The following SLC6A6 variants were observed in gnomAD, a reference collection of about 807,000 sequenced individuals.
The protein encoded by SLC6A6 is sodium- and chloride-dependent taurine transporter.
A neutral mutation model predicts 68.8 loss-of-function variants in SLC6A6; 16 were observed. The ratio of observed to expected loss-of-function variants is 0.23; its 90% CI spans 0.16 to 0.35. The LOEUF (loss-of-function observed/expected upper bound fraction) is 0.35, where lower values mean the gene tolerates loss of function less well. SLC6A6 is among the 10% of genes least tolerant of loss of function. SLC6A6 has a pLI of 1.00. For missense variants in SLC6A6, 474 were observed against 802.8 expected, an observed-to-expected ratio of 0.59 and a Z score of 4.95; for synonymous variants, 312 against 315.4, an observed-to-expected ratio of 0.99 and a Z score of 0.12.
At chr3:14,480,663 T>C (rs1700986612) in intron 13 of SLC6A6, among the ~76,000 whole-genome samples, 1 of 152,222 alleles carries the variant, frequency 6.6e-6, no homozygotes, top group African/African-American at 2.4e-5. Context: ...GAAAGATGCA[T>C]CTTCCTGTCA....
intron 9 of SLC6A6, among the ~76,000 whole-genome samples, chr3:14,470,735 G>A (rs139245971): frequency 1.2e-3 from 176 of 152,282 alleles, no homozygotes; most frequent in Non-Finnish European, 2.2e-3. Flanking sequence ...GAAACGCCGC[G>A]GCTTTTGACT....
intron 1 of SLC6A6, among the ~76,000 whole-genome samples, chr3:14,412,746 G>A (rs1699277918): frequency 6.6e-6 from 1 of 152,190 alleles, no homozygotes. Context: ...TTTGAGTCAA[G>A]GAGATAAATA....
At chr3:14,431,443 G>A (rs189253545) in intron 2 of SLC6A6, among the ~76,000 whole-genome samples, 185 of 152,352 alleles carry the variant, frequency 1.2e-3, no homozygotes, top group Non-Finnish European at 1.9e-3. Flanking sequence ...GGCTGGGAAC[G>A]CAGGGACAGA....
intron 14 of SLC6A6, among the ~76,000 whole-genome samples, chr3:14,484,025 A>C (rs570005402): frequency 6.6e-6 from 1 of 152,310 alleles, no homozygotes; most frequent in South Asian, 2.1e-4. Flanking sequence ...AACATACCTA[A>C]GTTGAATATA....
chr3:14,456,032 T>A (rs1269656246), intron 5 of SLC6A6, among the ~76,000 whole-genome samples: 1 of 152,046 alleles, frequency 6.6e-6, no homozygotes, highest in African/African-American at 2.4e-5. Context: ...GGTTTTGGAG[T>A]CAGACAGGTG....
At chr3:14,414,123 C>T (rs902268239) in intron 1 of SLC6A6, among the ~76,000 whole-genome samples, 1 of 152,214 alleles carries the variant, frequency 6.6e-6, no homozygotes, top group African/African-American at 2.4e-5. Flanking sequence ...GACTCAGTTT[C>T]CTTCTCTCTG....
intron 12 of SLC6A6, 79 bp downstream of exon 12, chr3:14,478,647 T>C (rs981337059): frequency 7.8e-6 from 7 of 895,496 alleles, no homozygotes; most frequent in African/African-American, 4.9e-5. Context: ...AAGCAGAGAA[T>C]ACTAACAGAA....
At chr3:14,451,016 C>G (rs1256518658) in intron 5 of SLC6A6, among the ~76,000 whole-genome samples, 1 of 152,224 alleles carries the variant, frequency 6.6e-6, no homozygotes, top group African/African-American at 2.4e-5. Context: ...TGAGCACTGT[C>G]CCCATGCACT....
chr3:14,488,605 T>C lies in SLC6A6; in HGVS notation c.*3598T>C, dbSNP rs970563246. On this transcript the variant is annotated 3_prime_UTR_variant, in exon 15 of 15. Transcript: ENST00000622186. Reference sequence around the variant, plus strand: ...AGGTCCCATCCCTCCCTCAGACCCATGTGGTCCCAGGCCAGGCTGCCTGGG... The same window carrying C: ...AGGTCCCATCCCTCCCTCAGACCCACGTGGTCCCAGGCCAGGCTGCCTGGG... 6.6e-6 allele frequency: 1 copy of C among 152,118 alleles called. No individual in the cohort carries two copies. The highest frequency in any genetic ancestry group is 1.5e-5 in the Non-Finnish European group (1 of 68,020). 9.4% of individuals were successfully genotyped at this position (152,118 alleles called of 1,614,324 possible).
At position 14,447,358 on chromosome 3, in the gene SLC6A6, A is replaced by T. The variant is rs56833455; in HGVS notation, c.365-224A>T. ...TATTTATCCATCCATCCATTGTTCT[A>T]TCCCCCCTGCCCCCTGCCATCCATC... On this transcript the variant is annotated intron_variant, in intron 4 of 14. Transcript: ENST00000622186. Among the ~76,000 whole-genome samples the T allele has an allele frequency of 0.21, 32,627 of 151,870 alleles. 3,921 individuals carry two copies. Among genetic ancestry groups the T allele is most frequent in the African/African-American group, 0.28 (11,745 of 41,364 alleles).
chr3:14,406,950 A>C (rs1165123816), intron 1 of SLC6A6, among the ~76,000 whole-genome samples: 1 of 152,200 alleles, frequency 6.6e-6, no homozygotes, highest in Non-Finnish European at 1.5e-5. Context: ...ACTTAAAAAC[A>C]AACAAACAAA....
chr3:14,422,826 G>A (rs1375110107), intron 2 of SLC6A6, among the ~76,000 whole-genome samples: 1 of 152,230 alleles, frequency 6.6e-6, no homozygotes, highest in Non-Finnish European at 1.5e-5. Context: ...TCTGTCACAA[G>A]GAGGGGGCTA....
chr3:14,442,298 A>T (rs895920340), intron 2 of SLC6A6, among the ~76,000 whole-genome samples: 2 of 152,242 alleles, frequency 1.3e-5, no homozygotes, highest in African/African-American at 2.4e-5. Flanking sequence ...GTTGTGTCCC[A>T]GACTGCTTGG....
intron 1 of SLC6A6, among the ~76,000 whole-genome samples, chr3:14,409,070 A>G (rs2124894419): frequency 6.6e-6 from 1 of 152,330 alleles, no homozygotes; most frequent in East Asian, 1.9e-4. Context: ...GGCCTCCCAA[A>G]GTGCTGGGAT....
intron 5 of SLC6A6, among the ~76,000 whole-genome samples, chr3:14,453,250 A>G (rs955943387): frequency 3.9e-5 from 6 of 152,194 alleles, no homozygotes; most frequent in Non-Finnish European, 5.9e-5. Context: ...CCGACTCAAA[A>G]CAGACGTCCA....
intron 1 of SLC6A6, among the ~76,000 whole-genome samples, chr3:14,405,246 T>A (rs1699080674): frequency 6.6e-6 from 1 of 152,170 alleles, no homozygotes; most frequent in Non-Finnish European, 1.5e-5. Flanking sequence ...TCATTCTCCC[T>A]TCCTTGTGCC....
rs887546939 is a variant in SLC6A6 at position 14,402,996 on chromosome 3, G to A, written c.-54+149G>A. The A allele has an allele frequency of 2.6e-6, 1 of 381,466 alleles. No homozygotes were observed. The highest frequency in any genetic ancestry group is 2.1e-5 in the African/African-American group (1 of 48,048). 23.6% of individuals were successfully genotyped at this position (381,466 alleles called of 1,614,324 possible). A position where few individuals can be genotyped will look rare whatever the true frequency, so the allele number is the denominator to read the frequency against. ...TTCACCACCGCGGAAGGGACCGAGA[G>A]TCGCCTGCTCAGTCCCGCTGGCGGG... is the stretch of plus-strand genomic sequence containing the variant. On this transcript the variant is annotated intron_variant, in intron 1 of 14. Transcript: ENST00000622186. This position sits in a 1 kb window ranked among gnomAD's most constrained non-coding sequence, Gnocchi z 4.8.
At chr3:14,435,485 A>G (rs2124930417) in intron 2 of SLC6A6, among the ~76,000 whole-genome samples, 1 of 152,230 alleles carries the variant, frequency 6.6e-6, no homozygotes, top group African/African-American at 2.4e-5. Flanking sequence ...TGCTGAAACG[A>G]TTTCCTCAAC....
chr3:14,463,457 G>A (rs937841147), intron 6 of SLC6A6, among the ~76,000 whole-genome samples: 1 of 152,220 alleles, frequency 6.6e-6, no homozygotes, highest in Admixed American at 6.5e-5. Flanking sequence ...AAGCCCTCTG[G>A]TCACAGACCA....
Sources: gnomAD v4.1 joint callset for allele counts (sites outside exome capture counted in the v4.1 genomes callset) on GRCh38, gnomAD v4.1.1 for gene constraint, Gnocchi (gnomAD v3.1) non-coding constraint, MANE v1.5 for transcripts, NCBI Gene and HGNC (gene_info 2026-07-23, HGNC 2026-07-21) for gene names.